ZNF566: variants seen among roughly 807,000 people sequenced by gnomAD.
The protein encoded by ZNF566 is zinc finger protein 566.
ZNF566 carries 27 observed loss-of-function variants against 32.8 expected under a neutral mutation model. The ratio of observed to expected loss-of-function variants is 0.82; its 90% confidence interval spans 0.61 to 1.14. ZNF566 has a LOEUF of 1.14. Ranked by LOEUF, ZNF566 falls within the 50% of genes most tolerant of loss-of-function variation. The pLI, the probability that ZNF566 is intolerant of heterozygous loss-of-function variation, is 0.00. For missense variants in ZNF566, 402 were observed against 490.4 expected, an observed-to-expected ratio of 0.82 and a Z score of 1.70; for synonymous variants, 154 against 159.5, an observed-to-expected ratio of 0.97 and a Z score of 0.26.
chr19:36,480,726 T>C (rs907902648), intron 1 of ZNF566, among the ~76,000 whole-genome samples: 1 of 151,494 alleles, frequency 6.6e-6, no homozygotes, highest in Non-Finnish European at 1.5e-5. Flanking sequence ...TAAGTGTGAA[T>C]GTGAATGTTT....
chr19:36,462,734 T>C (rs1225886038), intron 4 of ZNF566, among the ~76,000 whole-genome samples: 1 of 151,850 alleles, frequency 6.6e-6, no homozygotes, highest in South Asian at 2.1e-4. Context: ...CAATCTCTCT[T>C]GGTGTTAAGA....
rs765680561 is a variant in ZNF566 at position 36,449,827 on chromosome 19, C to A, written c.407G>T (p.Gly136Val). ...RQFKKELGSQ[G>V]GHFNQLVFTH... ...GAATACCAATTGATTGAAATGTCCC[C>A]CCTGAGAGCCGAGTTCTTTCTTAAA... Residue 136 changes from glycine (G) to valine (V), a missense_variant, in exon 5 of 5, where the codon GGG (glycine) becomes GTG (valine). Transcript: ENST00000452939. The A allele has an allele frequency of 6.2e-7, 1 of 1,614,122 alleles. No individual in the cohort carries two copies. Among genetic ancestry groups the A allele is most frequent in the Admixed American group, 1.7e-5 (1 of 60,010 alleles).
intron 1 of ZNF566, among the ~76,000 whole-genome samples, chr19:36,482,078 G>A (rs1049133838): frequency 1.3e-5 from 2 of 152,174 alleles, no homozygotes; most frequent in Non-Finnish European, 2.9e-5. Context: ...TATACAAGGA[G>A]TCTGTGGGAA....
chr19:36,462,533 C>T (rs1453910214), intron 4 of ZNF566, among the ~76,000 whole-genome samples: 2 of 151,924 alleles, frequency 1.3e-5, no homozygotes, highest in Admixed American at 6.6e-5. Flanking sequence ...AAAGAAGGTT[C>T]CTATTCCTTG....
In ZNF566 at chr19:36,448,182, A is replaced by C. The variant is rs1245991562; in HGVS notation, c.*795T>G. The C allele has an allele frequency of 6.6e-6, 1 of 152,150 alleles. No individual in the cohort carries two copies. The highest frequency in any genetic ancestry group is 1.5e-5 in the Non-Finnish European group (1 of 68,004). 9.4% of individuals were successfully genotyped at this position (152,150 alleles called of 1,614,324 possible). A position where few individuals can be genotyped will look rare whatever the true frequency, so the allele number is the denominator to read the frequency against. On this transcript the variant is annotated 3_prime_UTR_variant, in exon 5 of 5. Coordinates refer to ENST00000452939, the MANE Select transcript of ZNF566 (RefSeq NM_001145344.1). ...CAAAGGGTACATTTGCCTTTTTGTA[A>C]TGTTTGCATCTTTTATAAGGAAAAT...
At position 36,476,541 on chromosome 19, in the gene ZNF566, T is replaced by C; in HGVS notation, c.9+8A>G. 6.2e-7 allele frequency: 1 copy of C among 1,612,502 alleles called. No individual in the cohort carries two copies. Among genetic ancestry groups the C allele is most frequent in the Non-Finnish European group, 8.5e-7 (1 of 1,178,806 alleles). On this transcript the variant is annotated splice_region_variant and intron_variant, in intron 2 of 4. Coordinates refer to ENST00000452939, the MANE Select transcript of ZNF566 (RefSeq NM_001145344.1). Reference sequence around the variant, plus strand: ...ACTCTATCTGAGCAAAAGGAAACAGTATCTCACCTGAGCCATGGCTCTGAT... The same window carrying C: ...ACTCTATCTGAGCAAAAGGAAACAGCATCTCACCTGAGCCATGGCTCTGAT...
chr19:36,475,116 T>A (rs952804671), intron 2 of ZNF566, among the ~76,000 whole-genome samples: 3 of 152,164 alleles, frequency 2.0e-5, no homozygotes, highest in African/African-American at 7.2e-5. Flanking sequence ...CATGATCACA[T>A]CTCACTGCAG....
chr19:36,449,908 G>C lies in ZNF566; in HGVS notation c.326C>G (p.Thr109Arg), dbSNP rs375222121. 5.6e-6 allele frequency: 9 copies of C among 1,613,884 alleles called. No individual in the cohort carries two copies. In the African/African-American group the frequency reaches 1.2e-4, roughly 22 times the overall value. Residue 109 changes from threonine (T) to arginine (R), a missense_variant, in exon 5 of 5, where the codon ACA becomes AGA. Thr to Arg is a moderately conservative substitution (Grantham distance 71, BLOSUM62 -1). Transcript: ENST00000452939. The stretch of plus-strand genomic sequence containing the variant: ...ACTGGAGCACTGAAAATCACGTCTT[G>C]TGAGTTTTTCCATTATTTCCCACTG... ...STQWEIMEKL[T>R]RRDFQCSSFR...
chr19:36,453,537 AATAAAT>A (rs1242766407), intron 4 of ZNF566, among the ~76,000 whole-genome samples: 15 of 150,896 alleles, frequency 9.9e-5, no homozygotes, highest in African/African-American at 2.2e-4. Flanking sequence ...TAAAAATAAA[AATAAAT>A]AAACCTACAA....
chr19:36,457,887 G>A (rs112276853), intron 4 of ZNF566, among the ~76,000 whole-genome samples: 236 of 145,362 alleles, frequency 1.6e-3, no homozygotes, highest in Non-Finnish European at 2.3e-3. Flanking sequence ...GTGAGACTCC[G>A]TCTCAAAAAA....
intron 4 of ZNF566, among the ~76,000 whole-genome samples, chr19:36,462,249 A>G (rs930840256): frequency 6.6e-6 from 1 of 152,014 alleles, no homozygotes; most frequent in African/African-American, 2.4e-5. Context: ...CGGCCTCCCA[A>G]AGTGCTGGGA....
intron 4 of ZNF566, among the ~76,000 whole-genome samples, chr19:36,471,710 G>A (rs2033770126): frequency 6.6e-6 from 1 of 151,872 alleles, no homozygotes; most frequent in Non-Finnish European, 1.5e-5. Flanking sequence ...TCCCTACACT[G>A]TGGGGTAGGT....
chr19:36,450,970 T>G (rs1035784945), intron 4 of ZNF566, among the ~76,000 whole-genome samples: 7 of 152,254 alleles, frequency 4.6e-5, no homozygotes, highest in Non-Finnish European at 1.0e-4. Flanking sequence ...CAGTAGCCGC[T>G]AGCTACATGT....
In ZNF566 at chr19:36,472,898, G is replaced by A; in HGVS notation, c.232+13C>T. ...CCAGCCAAATCACGCATTACCTGCT[G>A]TGCCTCACTTACCTGGCCACTGGCC... On this transcript the variant is annotated intron_variant, in intron 4 of 4. Transcript: ENST00000452939. The A allele has an allele frequency of 6.2e-7, 1 of 1,606,222 alleles. No individual in the cohort carries two copies. Among genetic ancestry groups the A allele is most frequent in the Non-Finnish European group, 8.5e-7 (1 of 1,176,108 alleles).
intron 1 of ZNF566, among the ~76,000 whole-genome samples, chr19:36,477,114 G>T (rs949462347): frequency 6.6e-6 from 1 of 151,844 alleles, no homozygotes; most frequent in African/African-American, 2.4e-5. Flanking sequence ...GGGTTCAAGC[G>T]ATTCTTCTGC....
intron 4 of ZNF566, among the ~76,000 whole-genome samples, chr19:36,464,022 G>A (rs941855370): frequency 6.6e-5 from 10 of 151,576 alleles, no homozygotes; most frequent in Admixed American, 1.3e-4. Context: ...CACCACACCC[G>A]GCCAAATTCG....
intron 4 of ZNF566, among the ~76,000 whole-genome samples, chr19:36,459,762 C>T (rs1233617408): frequency 1.4e-5 from 2 of 147,792 alleles, no homozygotes; most frequent in Admixed American, 6.8e-5. Flanking sequence ...CCACCCGCCT[C>T]GGCCTCCCAA....
At chr19:36,453,509 T>A (rs7248249) in intron 4 of ZNF566, among the ~76,000 whole-genome samples, 49,304 of 96,384 alleles carry the variant, frequency 0.51, 9,046 homozygotes, top group East Asian at 0.67. Flanking sequence ...ATAAATAAAT[T>A]AATTAATTAA....
intron 1 of ZNF566, among the ~76,000 whole-genome samples, chr19:36,481,002 C>T (rs2034015596): frequency 6.6e-6 from 1 of 151,774 alleles, no homozygotes; most frequent in Non-Finnish European, 1.5e-5. Flanking sequence ...GAGATCACAC[C>T]ACTGAACTCC....
Sources: allele counts gnomAD v4.1 joint callset (sites outside exome capture counted in the v4.1 genomes callset), GRCh38; gene constraint gnomAD v4.1.1; transcripts MANE v1.5; gene names NCBI Gene and HGNC (gene_info 2026-07-23, HGNC 2026-07-21).